MLXIP: variants seen among roughly 807,000 people sequenced by gnomAD.
MLXIP encodes the protein MLX-interacting protein.
A neutral mutation model predicts 87.2 loss-of-function variants in MLXIP; 30 were observed. The ratio of observed to expected loss-of-function variants is 0.34; its 90% CI spans 0.26 to 0.47. The LOEUF is 0.47. Among genes scored for constraint, MLXIP ranks in the 20% least tolerant of loss-of-function variants. The probability of loss-of-function intolerance (pLI) is 1.00; values close to 1 mark genes in which losing one functional copy is unlikely to be tolerated. For missense variants in MLXIP, 1,002 were observed against 1,240.1 expected, an observed-to-expected ratio of 0.81 and a Z score of 2.88; for synonymous variants, 530 against 514.0, an observed-to-expected ratio of 1.03 and a Z score of -0.42.
At chr12:122,113,300 C>T (rs1001329366) in intron 1 of MLXIP, among the ~76,000 whole-genome samples, 31 of 152,136 alleles carry the variant, frequency 2.0e-4, no homozygotes, top group African/African-American at 6.5e-4. Context: ...CACTCTGCCA[C>T]GCAGGCTAGA....
chr12:122,092,469 A>G (rs1952260863), intron 1 of MLXIP, among the ~76,000 whole-genome samples: 1 of 152,072 alleles, frequency 6.6e-6, no homozygotes, highest in African/African-American at 2.4e-5. Flanking sequence ...AAGTCACAGG[A>G]CCATAATCTT....
intron 1 of MLXIP, among the ~76,000 whole-genome samples, chr12:122,121,404 A>T (rs1353875413): frequency 7.1e-6 from 1 of 140,192 alleles, no homozygotes; most frequent in African/African-American, 2.8e-5. Flanking sequence ...AGTAGCTGGG[A>T]TTACAGGCAC....
Position 122,135,010 on chromosome 12 carries a change from G to T in MLXIP, c.1733-214G>T. 1.8e-6 allele frequency: 1 copy of T among 565,146 alleles called. No individual in the cohort carries two copies. The highest frequency in any genetic ancestry group is 1.9e-5 in the South Asian group (1 of 51,716). 35.0% of individuals were successfully genotyped at this position (565,146 alleles called of 1,614,324 possible). ...TTTTTAAAGTTAGTCACAACCTACA[G>T]TGTGAAAACATGGTCCTGGCCATCT... On this transcript the variant is annotated intron_variant, in intron 9 of 16. Transcript: ENST00000319080. This position sits in a 1 kb window ranked among gnomAD's most constrained non-coding sequence, Gnocchi z 5.3.
At chr12:122,104,640 T>A (rs1368939386) in intron 1 of MLXIP, among the ~76,000 whole-genome samples, 1 of 144,364 alleles carries the variant, frequency 6.9e-6, no homozygotes, top group African/African-American at 2.6e-5. Context: ...AGTGCAATGG[T>A]GCGATCTTGG....
intron 1 of MLXIP, among the ~76,000 whole-genome samples, chr12:122,095,109 GGTGT>G (rs1182716838): frequency 6.8e-6 from 1 of 146,168 alleles, no homozygotes; most frequent in Non-Finnish European, 1.5e-5. Context: ...GGTATGTGTT[GGTGT>G]GTGTGGGGTG....
chr12:122,141,656 G>T, intron 16 of MLXIP, 35 bp from the exon 17 acceptor site: 2 of 1,609,582 alleles, frequency 1.2e-6, no homozygotes, highest in Non-Finnish European at 1.7e-6. Context: ...GTGGGTCTGT[G>T]TCACTGCCTG....
intron 1 of MLXIP, among the ~76,000 whole-genome samples, chr12:122,092,898 T>C (rs1466466390): frequency 1.2e-5 from 1 of 85,390 alleles, no homozygotes; most frequent in Non-Finnish European, 2.5e-5. Context: ...GCTTCCCCAG[T>C]GTGTGTGTTG....
Position 122,129,575 on chromosome 12 carries a change from C to T in MLXIP, c.697-13C>T. On this transcript the variant is annotated splice_polypyrimidine_tract_variant and intron_variant, in intron 4 of 16. Coordinates refer to ENST00000319080, the MANE Select transcript of MLXIP (RefSeq NM_014938.6). The stretch of plus-strand genomic sequence containing the variant: ...CCATTGGTGACCGCCGTGTCCTGTC[C>T]CTTTGCCCACAGCTACAGCAGCACA... 6.2e-7 allele frequency: 1 copy of T among 1,613,376 alleles called. No individual in the cohort carries two copies. The highest frequency in any genetic ancestry group is 1.3e-5 in the African/African-American group (1 of 75,034).
At chr12:122,113,714 T>A (rs191354580) in intron 1 of MLXIP, among the ~76,000 whole-genome samples, 1,507 of 113,904 alleles carry the variant, frequency 0.013, 35 homozygotes, top group African/African-American at 0.05. Flanking sequence ...AGACGGAGTC[T>A]CGCTCTGTCG....
chr12:122,129,789 G>A (rs1952942587), intron 5 of MLXIP, 152 bp from the exon 6 acceptor site: 3 of 1,276,690 alleles, frequency 2.3e-6, no homozygotes, highest in African/African-American at 1.5e-5. Flanking sequence ...TCCTGGGTGG[G>A]CTGGAGGGAG....
At chr12:122,134,297 C>G in intron 9 of MLXIP, 1 of 371,010 alleles carries the variant, frequency 2.7e-6, no homozygotes, top group Admixed American at 4.5e-5. Context: ...CGGGTTCAAG[C>G]GATTCTCCTT....
At chr12:122,102,549 C>T (rs897808858) in intron 1 of MLXIP, among the ~76,000 whole-genome samples, 5 of 152,158 alleles carry the variant, frequency 3.3e-5, no homozygotes, top group African/African-American at 1.2e-4. Flanking sequence ...CTAGCAATTC[C>T]CTTCCTAAGA....
At chr12:122,120,111 A>G (rs28707600) in intron 1 of MLXIP, among the ~76,000 whole-genome samples, 30,812 of 152,148 alleles carry the variant, frequency 0.2, 3,237 homozygotes, top group East Asian at 0.26. Flanking sequence ...TACATGGAAT[A>G]TGATTCTGCC....
At chr12:122,103,985 C>T (rs1952480970) in intron 1 of MLXIP, among the ~76,000 whole-genome samples, 1 of 152,044 alleles carries the variant, frequency 6.6e-6, no homozygotes, top group Admixed American at 6.6e-5. Context: ...AAATTGTACA[C>T]TTCAAATGAG....
chr12:122,080,751 TG>T (rs958727991), intron 1 of MLXIP, among the ~76,000 whole-genome samples: 17 of 152,222 alleles, frequency 1.1e-4, no homozygotes, highest in African/African-American at 3.6e-4. Context: ...GCTGCAGCCC[TG>T]TGCGCCCTCC....
At chr12:122,124,658 C>A (rs116406074) in intron 1 of MLXIP, among the ~76,000 whole-genome samples, 25 of 151,060 alleles carry the variant, frequency 1.7e-4, no homozygotes, top group Non-Finnish European at 3.4e-4. Context: ...GACTTCAGGG[C>A]GGGGGTTGTT....
chr12:122,090,275 C>G (rs1952226120), intron 1 of MLXIP, among the ~76,000 whole-genome samples: 1 of 152,126 alleles, frequency 6.6e-6, no homozygotes, highest in Admixed American at 6.5e-5. Context: ...GCAGGCAGAT[C>G]ATTTGAGGTC....
intron 1 of MLXIP, among the ~76,000 whole-genome samples, chr12:122,098,547 C>T (rs1952390206): frequency 6.6e-6 from 1 of 152,226 alleles, no homozygotes. Flanking sequence ...GAACAGCCAG[C>T]TCCAGCAATG....
chr12:122,123,997 G>T (rs759888174), intron 1 of MLXIP, among the ~76,000 whole-genome samples: 1 of 152,126 alleles, frequency 6.6e-6, no homozygotes, highest in Non-Finnish European at 1.5e-5. Flanking sequence ...TTGCTTAAAC[G>T]CCACTTCCTC....
Sources: gnomAD v4.1 joint callset for allele counts (sites outside exome capture counted in the v4.1 genomes callset) on GRCh38, gnomAD v4.1.1 for gene constraint, Gnocchi (gnomAD v3.1) non-coding constraint, MANE v1.5 for transcripts, NCBI Gene and HGNC (gene_info 2026-07-23, HGNC 2026-07-21) for gene names.